Variants in SHB observed in about 807,000 individuals in gnomAD.
SHB encodes the protein SH2 domain containing adaptor protein B.
Under a neutral mutation model 52.3 loss-of-function variants are expected in SHB, and 20 were observed. The observed-to-expected ratio is 0.38, with a 90% CI of 0.27 to 0.56. The LOEUF is 0.56. Ranked by LOEUF, SHB falls within the 20% of genes least tolerant of loss-of-function variation. SHB has a pLI of 0.71. For synonymous variants in SHB, 397 were observed against 316.5 expected (o/e 1.25, Z -2.70); for missense variants, 825 against 723.3 (o/e 1.14, Z -1.61).
intron 1 of SHB, among the ~76,000 whole-genome samples, chr9:38,063,950 G>A (rs1232922044): frequency 6.6e-6 from 1 of 152,052 alleles, no homozygotes; most frequent in African/African-American, 2.4e-5. Flanking sequence ...ATGTCATGAT[G>A]CTCCTGACTT....
chr9:37,938,655 G>A (rs979904670), intron 5 of SHB, among the ~76,000 whole-genome samples: 1 of 152,136 alleles, frequency 6.6e-6, no homozygotes, highest in African/African-American at 2.4e-5. Context: ...ATTAAAAACC[G>A]GCTGGAAATG....
chr9:37,950,694 G>A (rs562010152), intron 4 of SHB, among the ~76,000 whole-genome samples: 61 of 152,222 alleles, frequency 4.0e-4, no homozygotes, highest in African/African-American at 1.1e-3. Flanking sequence ...CTGACCAGGC[G>A]GCTTCTATTA....
rs1347073588 is a variant in SHB at position 38,067,930 on chromosome 9, T to C, written c.716A>G (p.Lys239Arg). The change falls in exon 1 of 6, where the codon AAG becomes AGG. Residue 239 changes from lysine to arginine, a missense_variant and splice_region_variant. By Grantham distance (26) the Lys-to-Arg change is conservative. Coordinates refer to ENST00000377707, the MANE Select transcript of SHB (RefSeq NM_003028.3). ...AEESGAGKKD[K>R]VTIADDYSDP... ...GGAAGAGGCCAAGGGGCACCTTACC[T>C]TGTCCTTCTTGCCGGCCCCGCTCTC... is the stretch of plus-strand genomic sequence containing the variant. 6 of 1,525,228 alleles carry C rather than the reference T, an allele frequency of 3.9e-6. No homozygotes were observed. In the African/African-American group the frequency reaches 7.1e-5, roughly 18 times the overall value. 94.5% of individuals were successfully genotyped at this position (1,525,228 alleles called of 1,614,324 possible). A position where few individuals can be genotyped will look rare whatever the true frequency, so the allele number is the denominator to read the frequency against.
At chr9:38,024,631 T>C (rs1821319606) in intron 1 of SHB, among the ~76,000 whole-genome samples, 1 of 152,200 alleles carries the variant, frequency 6.6e-6, no homozygotes, top group African/African-American at 2.4e-5. Flanking sequence ...GAACAGAGCC[T>C]GGCTCCACCC....
intron 4 of SHB, among the ~76,000 whole-genome samples, chr9:37,954,641 G>A (rs1461070500): frequency 6.6e-6 from 1 of 152,182 alleles, no homozygotes; most frequent in Admixed American, 6.5e-5. Flanking sequence ...AAGCAGACAA[G>A]ACACCTGAGG....
At chr9:37,935,097 T>C (rs1832353740) in intron 5 of SHB, among the ~76,000 whole-genome samples, 1 of 152,216 alleles carries the variant, frequency 6.6e-6, no homozygotes, top group Non-Finnish European at 1.5e-5. Flanking sequence ...AAATCTGAAC[T>C]CAACATGGAG....
intron 3 of SHB, among the ~76,000 whole-genome samples, chr9:37,965,085 G>A (rs145461657): frequency 1.3e-5 from 2 of 152,374 alleles, no homozygotes; most frequent in African/African-American, 4.8e-5. Context: ...GCAAGGAGCA[G>A]GCTGGGCATT....
intron 5 of SHB, among the ~76,000 whole-genome samples, chr9:37,926,827 T>C (rs959071898): frequency 6.6e-6 from 1 of 152,126 alleles, no homozygotes; most frequent in Non-Finnish European, 1.5e-5. Context: ...CCCAACACTG[T>C]GAGAGATGTG....
At chr9:37,920,167 C>A (rs188024153) in intron 5 of SHB, among the ~76,000 whole-genome samples, 163 bp from the exon 6 acceptor site, 3 of 152,252 alleles carry the variant, frequency 2.0e-5, no homozygotes, top group Non-Finnish European at 2.9e-5. Context: ...TGAAATGCAG[C>A]TGCACCCAAG....
chr9:38,068,613 C>A lies in SHB; in HGVS notation c.33G>T (p.Leu11Phe). MAKWLNKYFS[L>F]GNSKTKSPPQ... ...GGGGGCTCTTGGTCTTGCTGTTGCC[C>A]AAGCTGAAGTACTTGTTTAGCCACT... The change falls in exon 1 of 6, where the codon TTG becomes TTT. Residue 11 changes from leucine (L) to phenylalanine (F), a missense_variant. Physicochemically the swap from Leu to Phe is conservative, Grantham distance 22. Transcript: ENST00000377707. 6.7e-7 allele frequency: 1 copy of A among 1,490,774 alleles called. No homozygotes were observed. The highest frequency in any genetic ancestry group is 8.8e-7 in the Non-Finnish European group (1 of 1,130,926). 92.3% of individuals were successfully genotyped at this position (1,490,774 alleles called of 1,614,324 possible).
intron 2 of SHB, among the ~76,000 whole-genome samples, chr9:37,976,470 CA>C (rs1213019347): frequency 6.6e-6 from 1 of 152,222 alleles, no homozygotes; most frequent in Non-Finnish European, 1.5e-5. Flanking sequence ...ACCCATTAAA[CA>C]CTAACTCTCC....
chr9:38,005,640 C>T (rs773906339), intron 2 of SHB, among the ~76,000 whole-genome samples: 5 of 152,152 alleles, frequency 3.3e-5, no homozygotes, highest in Admixed American at 3.3e-4. Flanking sequence ...TAGGGAGAGT[C>T]CTGGTATCAT....
At chr9:38,014,863 C>CATGGA (rs1821191338) in intron 2 of SHB, among the ~76,000 whole-genome samples, 2 of 152,354 alleles carry the variant, frequency 1.3e-5, no homozygotes, top group Admixed American at 1.3e-4. Flanking sequence ...TGACGCTGGA[C>CATGGA]ATGGACCCGG....
At chr9:38,066,859 C>A (rs1821971807) in intron 1 of SHB, among the ~76,000 whole-genome samples, 1 of 152,148 alleles carries the variant, frequency 6.6e-6, no homozygotes, top group African/African-American at 2.4e-5. Context: ...TAATCAGTCT[C>A]CCCCAGCCCA....
At chr9:37,932,631 AT>A (rs557356439) in intron 5 of SHB, among the ~76,000 whole-genome samples, 1 of 151,870 alleles carries the variant, frequency 6.6e-6, no homozygotes, top group South Asian at 2.1e-4. Flanking sequence ...CTATAGGAAC[AT>A]TTTTTGTTTT....
chr9:37,988,818 G>T (rs540746247), intron 2 of SHB, among the ~76,000 whole-genome samples: 1 of 152,238 alleles, frequency 6.6e-6, no homozygotes, highest in South Asian at 2.1e-4. Flanking sequence ...AGAACAAAAA[G>T]GTGGACCTTC....
intron 1 of SHB, among the ~76,000 whole-genome samples, chr9:38,048,487 A>G (rs970992462): frequency 2.0e-5 from 3 of 152,132 alleles, no homozygotes; most frequent in African/African-American, 4.8e-5. Flanking sequence ...TTTTTAAATT[A>G]GCTGGGCATG....
At chr9:37,923,990 TCG>T (rs2118458417) in intron 5 of SHB, among the ~76,000 whole-genome samples, 1 of 152,340 alleles carries the variant, frequency 6.6e-6, no homozygotes, top group African/African-American at 2.4e-5. Flanking sequence ...ATCAGCACCA[TCG>T]TCGTTCAGGG....
At chr9:38,039,467 G>A (rs891468660) in intron 1 of SHB, among the ~76,000 whole-genome samples, 5 of 152,226 alleles carry the variant, frequency 3.3e-5, no homozygotes, top group Admixed American at 1.3e-4. Context: ...ATGGCCCTGG[G>A]GCCAAGCACA....
Sources: gnomAD v4.1 joint callset for allele counts (sites outside exome capture counted in the v4.1 genomes callset) on GRCh38, gnomAD v4.1.1 for gene constraint, MANE v1.5 for transcripts, NCBI Gene and HGNC (gene_info 2026-07-23, HGNC 2026-07-21) for gene names.